Variants in EPHA6 observed in about 807,000 individuals in gnomAD.
EPHA6 encodes EPH receptor A6, also known as ephrin type-A receptor 6.
A neutral mutation model predicts 112.0 loss-of-function variants in EPHA6; 50 were observed. The ratio of observed to expected loss-of-function variants is 0.45; its 90% CI spans 0.36 to 0.56. The LOEUF (loss-of-function observed/expected upper bound fraction) is 0.56, where lower values mean the gene tolerates loss of function less well. EPHA6 is among the 20% of genes least tolerant of loss of function. The probability of loss-of-function intolerance (pLI) is 0.00; values close to 1 mark genes in which losing one functional copy is unlikely to be tolerated. For missense variants in EPHA6, 1,280 were observed against 1,417.4 expected, an observed-to-expected ratio of 0.90 and a Z score of 1.56; for synonymous variants, 529 against 490.7, an observed-to-expected ratio of 1.08 and a Z score of -1.03.
At chr3:97,415,202 T>C (rs1341158056) in intron 6 of EPHA6, among the ~76,000 whole-genome samples, 1 of 152,052 alleles carries the variant, frequency 6.6e-6, no homozygotes, top group Non-Finnish European at 1.5e-5. Context: ...TAGGAGTAGT[T>C]ATCTGTAATC....
At chr3:97,237,108 C>T (rs1332506266) in intron 4 of EPHA6, among the ~76,000 whole-genome samples, 1 of 151,850 alleles carries the variant, frequency 6.6e-6, no homozygotes, top group South Asian at 2.1e-4. Flanking sequence ...ATTGTACAGA[C>T]AATGCAGCAT....
intron 7 of EPHA6, among the ~76,000 whole-genome samples, chr3:97,472,898 G>A (rs762714427): frequency 4.0e-5 from 6 of 151,620 alleles, no homozygotes; most frequent in Admixed American, 1.3e-4. Context: ...CTTGGAGATC[G>A]GCAAAAAGAA....
In EPHA6 at chr3:97,057,674, A is replaced by G. The variant is rs993252872; in HGVS notation, c.1114+69681A>G. The stretch of plus-strand genomic sequence containing the variant: ...TACCACAACTATCATAATCACAGTT[A>G]TTATTTTTGATAGAAAGGATATACT... On this transcript the variant is annotated intron_variant, in intron 3 of 17. Coordinates refer to ENST00000389672, the MANE Select transcript of EPHA6 (RefSeq NM_001080448.3). 3.1e-4 allele frequency among the ~76,000 whole-genome samples: 47 copies of G among 152,326 alleles called. 1 individual carries two copies. Among genetic ancestry groups the G allele is most frequent in the African/African-American group, 8.9e-4 (37 of 41,570 alleles).
In EPHA6 at chr3:96,903,396, A is replaced by G. The variant is rs1027727130; in HGVS notation, c.450+36507A>G. Reference sequence around the variant, plus strand: ...CTACAGATCAGGGTTCATATGTTATATTTTCTTGGAAAATCACCCTTAAAA... The same window carrying G: ...CTACAGATCAGGGTTCATATGTTATGTTTTCTTGGAAAATCACCCTTAAAA... On this transcript the variant is annotated intron_variant, in intron 2 of 17. Transcript: ENST00000389672. Among the ~76,000 whole-genome samples, 27 of 152,216 alleles carry G rather than the reference A, an allele frequency of 1.8e-4. 1 individual carries two copies. The highest frequency in any genetic ancestry group is 6.3e-4 in the African/African-American group (26 of 41,530).
At chr3:97,031,623 A>G (rs2044848067) in intron 3 of EPHA6, among the ~76,000 whole-genome samples, 1 of 152,198 alleles carries the variant, frequency 6.6e-6, no homozygotes, top group Non-Finnish European at 1.5e-5. Context: ...AACCCCATCA[A>G]AAAGTGGGCA....
intron 14 of EPHA6, among the ~76,000 whole-genome samples, chr3:97,657,049 T>C (rs568127948): frequency 6.6e-6 from 1 of 152,064 alleles, no homozygotes; most frequent in South Asian, 2.1e-4. Context: ...TGCCTGTATA[T>C]ATTGCATAAT....
chr3:97,145,537 TAA>T (rs543752436), intron 3 of EPHA6, among the ~76,000 whole-genome samples: 27 of 145,748 alleles, frequency 1.9e-4, no homozygotes, highest in African/African-American at 2.5e-4. Context: ...TGACAACAGT[TAA>T]AAAAAAAAAC....
intron 5 of EPHA6, among the ~76,000 whole-genome samples, chr3:97,272,424 T>A (rs1374402717): frequency 3.3e-5 from 5 of 152,050 alleles, no homozygotes; most frequent in Non-Finnish European, 4.4e-5. Context: ...TGTGTGAACA[T>A]CATCATTTAG....
chr3:97,710,691 C>T (rs1559619388), intron 14 of EPHA6, among the ~76,000 whole-genome samples: 1 of 152,132 alleles, frequency 6.6e-6, no homozygotes, highest in African/African-American at 2.4e-5. Context: ...TGCCTAAGAT[C>T]ACAAAACAGA....
intron 14 of EPHA6, among the ~76,000 whole-genome samples, chr3:97,695,717 T>C (rs910529945): frequency 6.6e-6 from 1 of 152,182 alleles, no homozygotes; most frequent in Non-Finnish European, 1.5e-5. Context: ...ATTTTTGTAT[T>C]TTTAGTAGAG....
intron 14 of EPHA6, among the ~76,000 whole-genome samples, chr3:97,644,845 A>C (rs1027582435): frequency 6.6e-6 from 1 of 152,104 alleles, no homozygotes; most frequent in Admixed American, 6.5e-5. Context: ...TCACAGCCGA[A>C]TTCTACCAGA....
At chr3:97,168,416 C>G (rs1261966430) in intron 3 of EPHA6, among the ~76,000 whole-genome samples, 4 of 151,978 alleles carry the variant, frequency 2.6e-5, no homozygotes, top group African/African-American at 9.7e-5. Context: ...AGGACCATCC[C>G]CCTAGTGCTG....
rs1037649996 is a variant in EPHA6, at chr3:97,751,201, A to C, written c.*2500A>C. ...GAAATAAATTCTATTAAGTTATTTA[A>C]ATTTCTATGGGATGAGCATTCAGTG... On this transcript the variant is annotated 3_prime_UTR_variant, in exon 18 of 18. Transcript: ENST00000389672. 3.9e-5 allele frequency among the ~76,000 whole-genome samples: 6 copies of C among 152,112 alleles called. No individual in the cohort carries two copies. Among genetic ancestry groups the C allele is most frequent in the African/African-American group, 1.4e-4 (6 of 41,442 alleles).
chr3:97,308,170 T>A (rs1017137570), intron 5 of EPHA6, among the ~76,000 whole-genome samples: 1 of 151,712 alleles, frequency 6.6e-6, no homozygotes, highest in African/African-American at 2.4e-5. Flanking sequence ...CTTTTCTAAT[T>A]CCACTAATTT....
intron 13 of EPHA6, among the ~76,000 whole-genome samples, chr3:97,612,730 T>G (rs554208774): frequency 6.6e-6 from 1 of 152,244 alleles, no homozygotes; most frequent in South Asian, 2.1e-4. Context: ...TTGGCTCTAC[T>G]CATGGACTAT....
chr3:97,127,444 G>A (rs1311703256), intron 3 of EPHA6, among the ~76,000 whole-genome samples: 1 of 152,080 alleles, frequency 6.6e-6, no homozygotes, highest in East Asian at 1.9e-4. Flanking sequence ...TCCCGGCTGG[G>A]CACTGTGGCT....
At chr3:97,039,071 G>A (rs1320402814) in intron 3 of EPHA6, among the ~76,000 whole-genome samples, 1 of 151,980 alleles carries the variant, frequency 6.6e-6, no homozygotes, top group African/African-American at 2.4e-5. Context: ...ATTTAAAGGA[G>A]TTGTACCTAA....
chr3:97,645,509 C>T (rs1390427555), intron 14 of EPHA6, among the ~76,000 whole-genome samples: 2 of 109,892 alleles, frequency 1.8e-5, no homozygotes, highest in Admixed American at 2.5e-4. Context: ...ACTCTGGGGA[C>T]TGTGGTGGGG....
chr3:97,652,943 A>G (rs766005951), intron 14 of EPHA6, among the ~76,000 whole-genome samples: 44 of 152,052 alleles, frequency 2.9e-4, no homozygotes, highest in Non-Finnish European at 5.0e-4. Flanking sequence ...TTCCATATTA[A>G]TAGATAACAT....
Sources: allele counts gnomAD v4.1 joint callset (sites outside exome capture counted in the v4.1 genomes callset), GRCh38; gene constraint gnomAD v4.1.1; transcripts MANE v1.5; gene names NCBI Gene and HGNC (gene_info 2026-07-23, HGNC 2026-07-21).